Variants in NCOA7 observed in about 807,000 individuals in gnomAD.
The protein encoded by NCOA7 is nuclear receptor coactivator 7.
A neutral mutation model predicts 104.3 loss-of-function variants in NCOA7; 45 were observed. The observed-to-expected ratio is 0.43, with a 90% CI of 0.34 to 0.55. NCOA7 has a LOEUF of 0.55. Among genes scored for constraint, NCOA7 ranks in the 20% least tolerant of loss-of-function variants. The pLI is 0.02. For synonymous variants in NCOA7, 398 were observed against 402.3 expected, an observed-to-expected ratio of 0.99 and a Z score of 0.13; for missense variants, 1,041 against 1,119.7, an observed-to-expected ratio of 0.93 and a Z score of 1.00.
intron 2 of NCOA7, among the ~76,000 whole-genome samples, chr6:125,833,622 G>A (rs1430467168): frequency 6.7e-6 from 1 of 149,600 alleles, no homozygotes; most frequent in South Asian, 2.1e-4. Context: ...CAGGGGGAGG[G>A]AATAAATGAG....
At chr6:125,814,062 A>G (rs1777338666) in intron 1 of NCOA7, among the ~76,000 whole-genome samples, 1 of 152,126 alleles carries the variant, frequency 6.6e-6, no homozygotes, top group Non-Finnish European at 1.5e-5. Context: ...ACTCCCTTTC[A>G]TGTAGTATGT....
At chr6:125,815,441 T>A in intron 2 of NCOA7, 37 bp downstream of exon 2, 1 of 1,554,546 alleles carries the variant, frequency 6.4e-7, no homozygotes, top group Non-Finnish European at 8.8e-7. Flanking sequence ...ATCAGTACTT[T>A]AAAGAAATAT....
chr6:125,915,619 T>A lies in NCOA7; in HGVS notation c.2244+139T>A, dbSNP rs1051030887. On this transcript the variant is annotated intron_variant, in intron 11 of 15. Transcript: ENST00000392477. ...AAATTACAGAGGAAAATAACTTTAT[T>A]CCTCCGTTTGAAAAAAAACACCACC... 9.5e-6 allele frequency: 10 copies of A among 1,049,930 alleles called. No homozygotes were observed. The African/African-American group carries it at 1.4e-4, about 15-fold the overall frequency. The allele number at this position is 1,049,930 out of a possible 1,614,324, so 65.0% of individuals were successfully genotyped here.
chr6:125,785,644 TG>T lies in NCOA7; in HGVS notation c.-141-492del, dbSNP rs767914362. 7.2e-5 allele frequency among the ~76,000 whole-genome samples: 11 copies of T among 152,376 alleles called. No homozygotes were observed. In the East Asian group the frequency reaches 9.6e-4, roughly 13 times the overall value. On this transcript the variant is annotated intron_variant, in intron 1 of 16. Transcript: ENST00000368357. ...TTAAATTATATTTTAGCACCAATGT[TG>T]TAGCAGCTTATTTGAATATGTTTTT... is the stretch of plus-strand genomic sequence containing the variant.
At chr6:125,809,777 A>G (rs1776799105) in intron 1 of NCOA7, among the ~76,000 whole-genome samples, 1 of 152,208 alleles carries the variant, frequency 6.6e-6, no homozygotes, top group Admixed American at 6.5e-5. Context: ...ACATCATTTC[A>G]TTTGTATATT....
At chr6:125,825,928 A>G (rs539543738) in intron 2 of NCOA7, among the ~76,000 whole-genome samples, 2 of 152,370 alleles carry the variant, frequency 1.3e-5, no homozygotes, top group African/African-American at 4.8e-5. Context: ...ACATACATAC[A>G]TATGCAAACA....
At position 125,864,269 on chromosome 6, in the gene NCOA7, C is replaced by G. The variant is rs1346277500; in HGVS notation, c.271+9029C>G. ...TAGTTAATGATATGGGAAATTTTCA[C>G]CAAATACTACAGTAAAAAAGTCGGT... On this transcript the variant is annotated intron_variant, in intron 3 of 15. Transcript: ENST00000392477. Among the ~76,000 whole-genome samples, 4 of 136,706 alleles carry G rather than the reference C, an allele frequency of 2.9e-5. 2 individuals carry two copies. The highest frequency in any genetic ancestry group is 1.2e-4 in the African/African-American group (4 of 32,502). The allele number at this position is 136,706 out of a possible 152,430, so 89.7% of individuals were successfully genotyped here.
At chr6:125,820,513 G>A (rs1162273145) in intron 2 of NCOA7, among the ~76,000 whole-genome samples, 5 of 152,224 alleles carry the variant, frequency 3.3e-5, no homozygotes, top group African/African-American at 1.2e-4. Context: ...CCATGGCAGA[G>A]GAGATTTGAA....
chr6:125,925,033 G>C (rs1282727568), intron 13 of NCOA7, among the ~76,000 whole-genome samples: 2 of 152,160 alleles, frequency 1.3e-5, no homozygotes, highest in Non-Finnish European at 1.5e-5. Context: ...GAGAATACAG[G>C]GGTCTCTCCT....
intron 11 of NCOA7, among the ~76,000 whole-genome samples, chr6:125,918,147 T>A (rs528304626): frequency 6.6e-6 from 1 of 152,310 alleles, no homozygotes; most frequent in Admixed American, 6.5e-5. Context: ...TGTAGTGAGT[T>A]TGTGATCCCA....
At chr6:125,812,292 A>G (rs1314752777) in intron 1 of NCOA7, among the ~76,000 whole-genome samples, 1 of 151,832 alleles carries the variant, frequency 6.6e-6, no homozygotes, top group African/African-American at 2.4e-5. Flanking sequence ...AATCCTAACC[A>G]CTCTGAAAGG....
At chr6:125,831,901 G>A (rs1036208801) in intron 2 of NCOA7, among the ~76,000 whole-genome samples, 2 of 151,990 alleles carry the variant, frequency 1.3e-5, no homozygotes, top group Non-Finnish European at 2.9e-5. Flanking sequence ...GTGCCTTCTC[G>A]CCATCCCCTA....
rs772300056 is a variant in NCOA7, at chr6:125,889,721, T to C, written c.1667T>C (p.Ile556Thr). Reference sequence around the variant, plus strand: ...GGAAAAAGTATTGAACCAGGGGGAATAGACATTACCCTTAGTAGTTCTCTT... The same window carrying C: ...GGAAAAAGTATTGAACCAGGGGGAACAGACATTACCCTTAGTAGTTCTCTT... ...SDGKSIEPGG[I>T]DITLSSSLSQ... Residue 556 changes from isoleucine to threonine, a missense_variant, in exon 9 of 16, where the codon ATA becomes ACA. This residue lies in a region of NCOA7 where 914 missense variants were observed against 942.7 expected (regional missense o/e 0.97). Coordinates refer to ENST00000392477, the MANE Select transcript of NCOA7 (RefSeq NM_181782.5). The C allele has an allele frequency of 9.9e-6, 16 of 1,613,902 alleles. No homozygotes were observed. The East Asian group carries it at 3.6e-4, about 36-fold the overall frequency.
chr6:125,808,849 A>G, intron 1 of NCOA7, among the ~76,000 whole-genome samples: 1 of 152,226 alleles, frequency 6.6e-6, no homozygotes, highest in East Asian at 1.9e-4. Context: ...CATTTAGAGT[A>G]TGTAGGAGAT....
In NCOA7 at chr6:125,856,384, G is replaced by A. The variant is rs370413340; in HGVS notation, c.271+1144G>A. On this transcript the variant is annotated intron_variant, in intron 3 of 15. Coordinates refer to ENST00000392477, the MANE Select transcript of NCOA7 (RefSeq NM_181782.5). ...TGTGTTTTTTTTGAGACAGAGTCTC[G>A]CTCTGTCACTCAGGCTGGAGTGCAG... Among the ~76,000 whole-genome samples, 7 of 151,720 alleles carry A rather than the reference G, an allele frequency of 4.6e-5. No homozygotes were observed. The East Asian group carries it at 5.8e-4, about 13-fold the overall frequency.
intron 3 of NCOA7, among the ~76,000 whole-genome samples, chr6:125,857,324 G>A (rs955259390): frequency 6.6e-6 from 1 of 151,916 alleles, no homozygotes; most frequent in Non-Finnish European, 1.5e-5. Context: ...TGCAACCTCC[G>A]ACTTCAGGGC....
chr6:125,821,319 G>A (rs1021996224), intron 2 of NCOA7, among the ~76,000 whole-genome samples: 1 of 152,136 alleles, frequency 6.6e-6, no homozygotes, highest in African/African-American at 2.4e-5. Context: ...TATACTCAAA[G>A]GGGTTGAATA....
At chr6:125,851,063 T>G (rs1781078875) in intron 2 of NCOA7, among the ~76,000 whole-genome samples, 1 of 152,210 alleles carries the variant, frequency 6.6e-6, no homozygotes, top group South Asian at 2.1e-4. Context: ...ATAATTCCTT[T>G]TTATGAGTCT....
chr6:125,877,587 TTCC>T (rs1246683799), intron 4 of NCOA7, among the ~76,000 whole-genome samples: 13 of 152,194 alleles, frequency 8.5e-5, no homozygotes, highest in African/African-American at 3.1e-4. Context: ...TCTATTCCTG[TTCC>T]TCCTCAGAAG....
Sources: gnomAD v4.1 joint callset for allele counts (sites outside exome capture counted in the v4.1 genomes callset) on GRCh38, gnomAD v4.1.1 for gene constraint, gnomAD v4.1.1 regional missense constraint, MANE v1.5 for transcripts, NCBI Gene and HGNC (gene_info 2026-07-23, HGNC 2026-07-21) for gene names.